Variants in KIF1A observed in about 807,000 individuals in gnomAD.
KIF1A encodes kinesin-like protein KIF1A.
Under a neutral mutation model 227.3 loss-of-function variants are expected in KIF1A, and 46 were observed. The ratio of observed to expected loss-of-function variants is 0.20; its 90% CI spans 0.16 to 0.26. KIF1A has a LOEUF of 0.26. KIF1A is among the 10% of genes least tolerant of loss of function. The pLI is 1.00. For synonymous variants in KIF1A, 1,022 were observed against 1,012.8 expected (o/e 1.01, Z -0.17); for missense variants, 1,683 against 2,485.9 (o/e 0.68, Z 6.87).
chr2:240,752,808 C>T lies in KIF1A; in HGVS notation c.2859-2261G>A, dbSNP rs2049381587. ...GCCCCCACCCCACTCTGCAGGAAGC[C>T]CATGGGGTGGTGCTCGGAGAGGGGG... On this transcript the variant is annotated intron_variant, in intron 27 of 48. Coordinates refer to ENST00000498729, the MANE Select transcript of KIF1A (RefSeq NM_001244008.2). The surrounding 1 kb of genome is among the most constrained non-coding windows in gnomAD (Gnocchi z 6.4). 6.6e-6 allele frequency among the ~76,000 whole-genome samples: 1 copy of T among 152,134 alleles called. No homozygotes were observed. Among genetic ancestry groups the T allele is most frequent in the African/African-American group, 2.4e-5 (1 of 41,436 alleles).
intron 38 of KIF1A, chr2:240,734,720 T>A: frequency 3.8e-6 from 5 of 1,304,466 alleles, no homozygotes; most frequent in Non-Finnish European, 4.0e-6. Context: ...AGATGATACC[T>A]AGGTATGTCC....
chr2:240,768,140 C>G (rs2051441710), intron 17 of KIF1A, among the ~76,000 whole-genome samples: 1 of 152,210 alleles, frequency 6.6e-6, no homozygotes, highest in South Asian at 2.1e-4. Flanking sequence ...AAGGGGGTCC[C>G]CAGTGGTCCC....
chr2:240,814,157 G>A (rs1016084978), intron 1 of KIF1A, among the ~76,000 whole-genome samples: 1 of 151,750 alleles, frequency 6.6e-6, no homozygotes, highest in Non-Finnish European at 1.5e-5. Flanking sequence ...AGGAAATTAC[G>A]AACAAATAGA....
rs1300822499 is a variant in KIF1A, at chr2:240,766,747, TCTCACA to T, written c.1684+162_1684+167del. ...ATCTCTCTCTCTCTCTCTCTCTCTC[TCTCACA>T]CACACACACACACACACACACACAC... On this transcript the variant is annotated intron_variant, in intron 19 of 48. Transcript: ENST00000498729. This position sits in a 1 kb window ranked among gnomAD's most constrained non-coding sequence, Gnocchi z 5.0. Among the ~76,000 whole-genome samples the T allele has an allele frequency of 9.1e-4, 109 of 119,514 alleles. No individual in the cohort carries two copies. In the East Asian group the frequency reaches 0.023, roughly 25 times the overall value. The allele number at this position is 119,514 out of a possible 152,430, so 78.4% of individuals were successfully genotyped here.
intron 38 of KIF1A, among the ~76,000 whole-genome samples, chr2:240,735,904 G>A (rs2047262376): frequency 6.6e-6 from 1 of 151,948 alleles, no homozygotes; most frequent in Non-Finnish European, 1.5e-5. Context: ...TGCAGGGCAA[G>A]TTCCCTCTGG....
intron 12 of KIF1A, 64 bp downstream of exon 12, chr2:240,774,119 C>G (rs1264777231): frequency 1.8e-6 from 2 of 1,083,790 alleles, no homozygotes; most frequent in Admixed American, 3.7e-5. Flanking sequence ...AATTCAAGCA[C>G]GAGAGGATCC....
At chr2:240,722,324 C>G in intron 43 of KIF1A, 132 bp downstream of exon 43, 1 of 851,228 alleles carries the variant, frequency 1.2e-6, no homozygotes, top group Non-Finnish European at 1.8e-6. Flanking sequence ...AGGGACCCCT[C>G]AAGCTCCTAG....
In KIF1A at chr2:240,792,182, C is replaced by T. The variant is rs2055797801; in HGVS notation, c.107-2870G>A. On this transcript the variant is annotated intron_variant, in intron 2 of 48. Transcript: ENST00000498729. This position sits in a 1 kb window ranked among gnomAD's most constrained non-coding sequence, Gnocchi z 4.5. ...CAACACCTCCCAGCCCTGAGGTCCG[C>T]CAGGCCTGTGGAGACAGGCAGCCCC... Among the ~76,000 whole-genome samples, 1 of 152,212 alleles carries T rather than the reference C, an allele frequency of 6.6e-6. No individual in the cohort carries two copies. Among genetic ancestry groups the T allele is most frequent in the Non-Finnish European group, 1.5e-5 (1 of 68,028 alleles).
rs2045926680 is a variant in KIF1A, at chr2:240,725,626, C to A, written c.4123-222G>T. 2 of 550,342 alleles carry A rather than the reference C, an allele frequency of 3.6e-6. No individual in the cohort carries two copies. Among genetic ancestry groups the A allele is most frequent in the Non-Finnish European group, 6.4e-6 (2 of 312,306 alleles). 34.1% of individuals were successfully genotyped at this position (550,342 alleles called of 1,614,324 possible). ...AGCCACAGCTCTGTCCACCCCTGGG[C>A]TGCCTGAGGGACTGGTCTCCATGTG... On this transcript the variant is annotated intron_variant, in intron 39 of 48. Coordinates refer to ENST00000498729, the MANE Select transcript of KIF1A (RefSeq NM_001244008.2). The surrounding 1 kb of genome is among the most constrained non-coding windows in gnomAD (Gnocchi z 5.8).
At chr2:240,781,978 C>T in intron 10 of KIF1A, 1 of 985,448 alleles carries the variant, frequency 1.0e-6, no homozygotes, top group Non-Finnish European at 1.2e-6. Context: ...TGTGCGTTTC[C>T]CAGTGAGCAC....
intron 48 of KIF1A, 31 bp from the exon 49 acceptor site, chr2:240,717,437 C>T: frequency 6.2e-7 from 1 of 1,606,122 alleles, no homozygotes; most frequent in Non-Finnish European, 8.5e-7. Flanking sequence ...GCGGCGTGGT[C>T]AGGCCAGGAA....
rs1195669076 is a variant in KIF1A at position 240,740,215 on chromosome 2, G to A, written c.3817-73C>T. 1 of 1,565,686 alleles carries A rather than the reference G, an allele frequency of 6.4e-7. No homozygotes were observed. Among genetic ancestry groups the A allele is most frequent in the African/African-American group, 1.4e-5 (1 of 73,854 alleles). ...CGTAGGGTGAGGGAGGGGGACACAG[G>A]CAGGGTAGGGGCAGGGAGAGGCTCA... On this transcript the variant is annotated intron_variant, in intron 36 of 48. Transcript: ENST00000498729. This position sits in a 1 kb window ranked among gnomAD's most constrained non-coding sequence, Gnocchi z 6.1.
chr2:240,779,608 ACAGTTCCTCACT>A (rs2053322501), intron 10 of KIF1A, among the ~76,000 whole-genome samples: 1 of 142,332 alleles, frequency 7.0e-6, no homozygotes, highest in Admixed American at 7.0e-5. Flanking sequence ...TCAGTTCCTC[ACAGTTCCTCACT>A]CAGTTCCACA....
upstream of KIF1A, among the ~76,000 whole-genome samples, chr2:240,821,215 G>A (rs1042567736): frequency 3.3e-5 from 5 of 152,198 alleles, no homozygotes; most frequent in African/African-American, 1.2e-4. Flanking sequence ...CTGCCATCGA[G>A]CCCCTGCCAT....
chr2:240,812,994 G>GGGATCCGCCTTCACCTCAA (rs2058049785), intron 1 of KIF1A, among the ~76,000 whole-genome samples: 2 of 118,330 alleles, frequency 1.7e-5, no homozygotes, highest in African/African-American at 6.2e-5. Flanking sequence ...CTTCACCTCG[G>GGGATCCGCCTTCACCTCAA]GGATCCGCCT....
At chr2:240,763,119 G>T in intron 21 of KIF1A, 28 bp from the exon 22 acceptor site, 1 of 1,600,552 alleles carries the variant, frequency 6.2e-7, no homozygotes. Flanking sequence ...GGTGAGCACG[G>T]GAGGGCAGGA....
intron 23 of KIF1A, 26 bp downstream of exon 23, chr2:240,762,693 C>A: frequency 6.4e-7 from 1 of 1,555,842 alleles, no homozygotes. Context: ...CCTGACGCAG[C>A]AGGTGCTGGC....
At chr2:240,770,873 G>A (rs1386569060) in intron 15 of KIF1A, 98 bp downstream of exon 15, 2 of 1,427,154 alleles carry the variant, frequency 1.4e-6, no homozygotes, top group East Asian at 2.3e-5. Flanking sequence ...GGCCCTATGA[G>A]GATGGGCTGT....
At chr2:240,772,647 A>C in intron 13 of KIF1A, 51 bp from the exon 14 acceptor site, 2 of 1,440,432 alleles carry the variant, frequency 1.4e-6, no homozygotes, top group Non-Finnish European at 1.9e-6. Flanking sequence ...AAACAGAAGA[A>C]CAGGTTTGTC....
Sources: gnomAD v4.1 joint callset for allele counts (sites outside exome capture counted in the v4.1 genomes callset) on GRCh38, gnomAD v4.1.1 for gene constraint, Gnocchi (gnomAD v3.1) non-coding constraint, MANE v1.5 for transcripts, NCBI Gene and HGNC (gene_info 2026-07-23, HGNC 2026-07-21) for gene names.